TXNRD2: variants seen among roughly 807,000 people sequenced by gnomAD.
TXNRD2 encodes the protein thioredoxin reductase 2.
TXNRD2 carries 67 observed loss-of-function variants against 70.8 expected under a neutral mutation model. The ratio of observed to expected loss-of-function variants is 0.95; its 90% CI spans 0.78 to 1.16. TXNRD2 has a LOEUF of 1.16. Ranked by LOEUF, TXNRD2 falls within the 50% of genes most tolerant of loss-of-function variation. TXNRD2 has a pLI of 0.00. For synonymous variants in TXNRD2, 301 were observed against 295.8 expected (o/e 1.02, Z -0.18); for missense variants, 644 against 719.9 (o/e 0.89, Z 1.21).
At chr22:19,912,918 C>T (rs938367658) in intron 7 of TXNRD2, among the ~76,000 whole-genome samples, 3 of 152,224 alleles carry the variant, frequency 2.0e-5, no homozygotes, top group African/African-American at 7.2e-5. Flanking sequence ...CTGCCTCCAC[C>T]GGACTGCCCC....
In TXNRD2 at chr22:19,911,357, C is replaced by T; in HGVS notation, c.662+20G>A. 1 of 1,606,530 alleles carries T rather than the reference C, an allele frequency of 6.2e-7. No homozygotes were observed. Among genetic ancestry groups the T allele is most frequent in the Non-Finnish European group, 8.5e-7 (1 of 1,173,258 alleles). ...CTGGTGAACAAAAAGAGGACCCCAC[C>T]AAGCACGCGCAGGCCTTACGTTTTT... On this transcript the variant is annotated intron_variant, in intron 8 of 17. Transcript: ENST00000400521.
intron 2 of TXNRD2, among the ~76,000 whole-genome samples, chr22:19,927,603 G>A (rs1343701363): frequency 1.4e-5 from 2 of 140,296 alleles, no homozygotes; most frequent in Non-Finnish European, 3.0e-5. Flanking sequence ...GCAGTGAGCC[G>A]AGATTGCACC....
chr22:19,937,308 T>G (rs1941567279), intron 1 of TXNRD2, among the ~76,000 whole-genome samples: 1 of 152,206 alleles, frequency 6.6e-6, no homozygotes, highest in African/African-American at 2.4e-5. Flanking sequence ...TATGAGAGCT[T>G]GGGATAAATT....
At chr22:19,881,626 C>T (rs1373977357) in intron 12 of TXNRD2, among the ~76,000 whole-genome samples, 1 of 152,202 alleles carries the variant, frequency 6.6e-6, no homozygotes, top group Non-Finnish European at 1.5e-5. Context: ...AACACAGGAG[C>T]CTGGGAGCTA....
At chr22:19,907,214 G>T (rs1940080287) in intron 8 of TXNRD2, among the ~76,000 whole-genome samples, 1 of 78,832 alleles carries the variant, frequency 1.3e-5, no homozygotes, top group African/African-American at 5.1e-5. Context: ...GGAGAGTGTG[G>T]GCGCCGTGAG....
At position 19,895,033 on chromosome 22, in the gene TXNRD2, T is replaced by G. The variant is rs567597482; in HGVS notation, c.949+374A>C. The G allele has an allele frequency of 1.7e-5, 27 of 1,554,998 alleles. No homozygotes were observed. In the South Asian group the frequency reaches 2.0e-4, roughly 11 times the overall value. ...TAAACCTGGAAGGTGACAAGTAGGATTTATGTGCTGAAACCTTAATAAGCA... is the reference window on the plus strand; with the variant it reads ...TAAACCTGGAAGGTGACAAGTAGGAGTTATGTGCTGAAACCTTAATAAGCA... On this transcript the variant is annotated intron_variant, in intron 11 of 17. Coordinates refer to ENST00000400521, the MANE Select transcript of TXNRD2 (RefSeq NM_006440.5).
Position 19,877,062 on chromosome 22 carries a change from T to C in TXNRD2, c.*43A>G, listed in dbSNP as rs1298012880. ...TACCTGGGTCTGGCCTCCGAGGAGC[T>C]GGCGGCGGGCGCACCGTGTGCCCTG... is the stretch of plus-strand genomic sequence containing the variant. On this transcript the variant is annotated 3_prime_UTR_variant, in exon 17 of 18. Coordinates refer to ENST00000400521, the MANE Select transcript of TXNRD2 (RefSeq NM_006440.5). 1 of 1,570,312 alleles carries C rather than the reference T, an allele frequency of 6.4e-7. No individual in the cohort carries two copies. Among genetic ancestry groups the C allele is most frequent in the Admixed American group, 1.7e-5 (1 of 58,878 alleles).
intron 8 of TXNRD2, among the ~76,000 whole-genome samples, chr22:19,906,295 A>T (rs1360638331): frequency 6.6e-6 from 1 of 152,204 alleles, no homozygotes; most frequent in Non-Finnish European, 1.5e-5. Context: ...CAGCAAATGC[A>T]AACAGAGTCA....
intron 1 of TXNRD2, among the ~76,000 whole-genome samples, chr22:19,937,441 C>T (rs971364529): frequency 6.6e-6 from 1 of 152,222 alleles, no homozygotes; most frequent in African/African-American, 2.4e-5. Context: ...GATGAGCACA[C>T]TCAAGGTATT....
chr22:19,910,808 C>T, intron 8 of TXNRD2: 1 of 186,370 alleles, frequency 5.4e-6, no homozygotes, highest in Non-Finnish European at 1.1e-5. Context: ...GGTGTGGTGG[C>T]TCACGCTTGT....
At chr22:19,930,983 G>A (rs778420542) in intron 2 of TXNRD2, 47 bp downstream of exon 2, 1 of 1,560,288 alleles carries the variant, frequency 6.4e-7, no homozygotes, top group Non-Finnish European at 8.8e-7. Context: ...CTCTCTAGGG[G>A]CCCTAAAAGC....
At chr22:19,926,507 C>T (rs5748476) in intron 2 of TXNRD2, among the ~76,000 whole-genome samples, 3,430 of 151,302 alleles carry the variant, frequency 0.023, 55 homozygotes, top group South Asian at 0.086. Context: ...AAAACAACGG[C>T]GGCTCACACC....
chr22:19,879,039 AAGAC>A (rs1331326768), intron 14 of TXNRD2, among the ~76,000 whole-genome samples: 6 of 152,276 alleles, frequency 3.9e-5, no homozygotes, highest in African/African-American at 9.6e-5. Context: ...TGTTCTAACT[AAGAC>A]AGAATTGAAA....
At chr22:19,939,761 A>G (rs946044245) in intron 1 of TXNRD2, among the ~76,000 whole-genome samples, 3 of 152,190 alleles carry the variant, frequency 2.0e-5, no homozygotes, top group African/African-American at 7.2e-5. Context: ...GAGATTAGCT[A>G]TAGGGAAATG....
chr22:19,897,668 G>A (rs1229347301), intron 10 of TXNRD2, among the ~76,000 whole-genome samples: 1 of 152,186 alleles, frequency 6.6e-6, no homozygotes, highest in Non-Finnish European at 1.5e-5. Context: ...GGACAGGCAA[G>A]GGGAGAGCAG....
At chr22:19,940,554 G>A (rs1257440355) in intron 1 of TXNRD2, among the ~76,000 whole-genome samples, 2 of 152,178 alleles carry the variant, frequency 1.3e-5, no homozygotes, top group Non-Finnish European at 2.9e-5. Flanking sequence ...TGGACTGTGA[G>A]TATGGGAAGG....
At chr22:19,934,382 GAAAAAA>G (rs35669821) in intron 1 of TXNRD2, among the ~76,000 whole-genome samples, 3 of 93,762 alleles carry the variant, frequency 3.2e-5, no homozygotes, top group East Asian at 6.0e-4. Flanking sequence ...CTCTGTCTCA[GAAAAAA>G]AAAAAAAAAA....
intron 2 of TXNRD2, among the ~76,000 whole-genome samples, chr22:19,922,138 G>A (rs1940941047): frequency 6.6e-6 from 1 of 152,022 alleles, no homozygotes; most frequent in Non-Finnish European, 1.5e-5. Flanking sequence ...CAAAGAAGCA[G>A]GAAAATACAC....
intron 11 of TXNRD2, among the ~76,000 whole-genome samples, chr22:19,885,462 C>T (rs977425233): frequency 3.5e-5 from 5 of 142,584 alleles, no homozygotes; most frequent in African/African-American, 7.4e-5. Context: ...TGCGGGAGGC[C>T]GGCTCCAGCC....
Sources: allele counts gnomAD v4.1 joint callset (sites outside exome capture counted in the v4.1 genomes callset), GRCh38; gene constraint gnomAD v4.1.1; transcripts MANE v1.5; gene names NCBI Gene and HGNC (gene_info 2026-07-23, HGNC 2026-07-21).